PPP3CB: variants seen among roughly 807,000 people sequenced by gnomAD.
The protein encoded by PPP3CB is protein phosphatase 3 catalytic subunit beta.
In PPP3CB, 8 loss-of-function variants were observed where a neutral mutation model predicts 66.4. That is an observed-to-expected ratio of 0.12 (90% CI 0.07 to 0.22). The LOEUF is 0.22. Ranked by LOEUF, PPP3CB falls within the 10% of genes least tolerant of loss-of-function variation. The probability of loss-of-function intolerance (pLI) is 1.00; values close to 1 mark genes in which losing one functional copy is unlikely to be tolerated. For missense variants in PPP3CB, 319 were observed against 642.5 expected, an observed-to-expected ratio of 0.50 and a Z score of 5.44; for synonymous variants, 208 against 221.2, an observed-to-expected ratio of 0.94 and a Z score of 0.53.
chr10:73,489,329 A>G (rs889970428), intron 1 of PPP3CB, among the ~76,000 whole-genome samples: 1 of 152,044 alleles, frequency 6.6e-6, no homozygotes, highest in Non-Finnish European at 1.5e-5. Context: ...TTGCCCTCCA[A>G]TAATTTGTTG....
intron 12 of PPP3CB, 133 bp from the exon 13 acceptor site, chr10:73,440,034 TA>T: frequency 1.1e-6 from 1 of 929,204 alleles, no homozygotes; most frequent in Non-Finnish European, 1.6e-6. Context: ...AAATTTAACA[TA>T]AATAGTACCC....
intron 9 of PPP3CB, among the ~76,000 whole-genome samples, chr10:73,463,926 C>T (rs1217021773): frequency 1.3e-5 from 2 of 151,404 alleles, no homozygotes; most frequent in Admixed American, 6.6e-5. Context: ...TAAGCCACTG[C>T]GCCCGGCCTC....
At chr10:73,439,964 C>G (rs1407798762) in intron 12 of PPP3CB, 63 bp from the exon 13 acceptor site, 2 of 1,496,756 alleles carry the variant, frequency 1.3e-6, no homozygotes, top group East Asian at 2.3e-5. Context: ...TCATATTGTA[C>G]AGCAGAAAAG....
intron 9 of PPP3CB, among the ~76,000 whole-genome samples, chr10:73,461,963 T>C (rs1257530939): frequency 6.6e-6 from 1 of 151,950 alleles, no homozygotes; most frequent in Non-Finnish European, 1.5e-5. Flanking sequence ...ATTTGGCTGT[T>C]TTTTAAGTAT....
At chr10:73,448,592 C>T (rs749149890) in intron 10 of PPP3CB, 13 of 530,962 alleles carry the variant, frequency 2.4e-5, no homozygotes, top group African/African-American at 5.8e-5. Flanking sequence ...AATGAATGTG[C>T]TAACTTACAT....
chr10:73,467,768 A>C, intron 8 of PPP3CB, 90 bp from the exon 9 acceptor site: 1 of 1,274,468 alleles, frequency 7.8e-7, no homozygotes, highest in Non-Finnish European at 1.1e-6. Context: ...AAGCAGAAAA[A>C]TATTAAGAGG....
chr10:73,452,989 A>G (rs1241444583), intron 10 of PPP3CB, among the ~76,000 whole-genome samples: 7 of 152,242 alleles, frequency 4.6e-5, no homozygotes, highest in Non-Finnish European at 1.0e-4. Flanking sequence ...AAGTGATCAA[A>G]TGAAATGGAT....
chr10:73,438,362 C>T lies in PPP3CB; in HGVS notation c.1455G>A (p.Leu485=). 5 of 1,613,742 alleles carry T rather than the reference C, an allele frequency of 3.1e-6. No homozygotes were observed. Among genetic ancestry groups the T allele is most frequent in the Non-Finnish European group, 3.4e-6 (4 of 1,179,658 alleles). Residue 485 remains leucine (L), a synonymous_variant, in exon 14 of 14, where the codon TTG becomes TTA. Transcript: ENST00000360663. ...RICSFEEAKG[L]DRINERMPPR... is the part of the protein sequence containing the mutation. ...GTGGCATTCTCTCATTGATCCTATC[C>T]AAACCCTTTGCCTCTTCAAAACTGC... is the stretch of plus-strand genomic sequence containing the variant.
chr10:73,479,450 C>G lies in PPP3CB; in HGVS notation c.153G>C (p.Arg51Ser). ...EEVFDLDGIP[R>S]VDVLKNHLVK... ...CCAAGTGGTTCTTCAGAACATCAACCCTGGGTATCCCATCCAAATCAAATA... is the reference window on the plus strand; with the variant it reads ...CCAAGTGGTTCTTCAGAACATCAACGCTGGGTATCCCATCCAAATCAAATA... Residue 51 changes from arginine (R) to serine (S), a missense_variant, in exon 2 of 14, where the codon AGG becomes AGC. Physicochemically the swap from Arg to Ser is moderately radical, Grantham distance 110. This residue lies in a region of PPP3CB where 104 missense variants were observed against 128.4 expected (regional missense o/e 0.81). Coordinates refer to ENST00000360663, the MANE Select transcript of PPP3CB (RefSeq NM_021132.4). The G allele has an allele frequency of 6.2e-7, 1 of 1,614,092 alleles. No individual in the cohort carries two copies. The highest frequency in any genetic ancestry group is 8.5e-7 in the Non-Finnish European group (1 of 1,179,990).
intron 1 of PPP3CB, among the ~76,000 whole-genome samples, chr10:73,488,346 AC>A (rs2057020753): frequency 6.6e-6 from 1 of 152,032 alleles, no homozygotes; most frequent in Non-Finnish European, 1.5e-5. Context: ...GGAATTTGAG[AC>A]CAATCTGGGC....
At chr10:73,448,696 G>A (rs764589895) in intron 10 of PPP3CB, 1 of 533,388 alleles carries the variant, frequency 1.9e-6, no homozygotes, top group Non-Finnish European at 3.8e-6. Context: ...CCGTTCTTCA[G>A]ATGGAGAGTC....
At chr10:73,459,004 A>C (rs1378336601) in intron 9 of PPP3CB, among the ~76,000 whole-genome samples, 1 of 152,044 alleles carries the variant, frequency 6.6e-6, no homozygotes, top group Non-Finnish European at 1.5e-5. Context: ...CAGGAGGCAG[A>C]GGTTGCGGTG....
chr10:73,438,007 C>A lies in PPP3CB; in HGVS notation c.*235G>T. ...GTGGATGCCCTCCACTGGAAATTGCCCCAAGCCCCTTGCTCACTGCTCTCC... is the reference window on the plus strand; with the variant it reads ...GTGGATGCCCTCCACTGGAAATTGCACCAAGCCCCTTGCTCACTGCTCTCC... On this transcript the variant is annotated 3_prime_UTR_variant, in exon 14 of 14. Coordinates refer to ENST00000360663, the MANE Select transcript of PPP3CB (RefSeq NM_021132.4). 1 of 395,398 alleles carries A rather than the reference C, an allele frequency of 2.5e-6. No individual in the cohort carries two copies. The highest frequency in any genetic ancestry group is 8.6e-5 in the South Asian group (1 of 11,614). The allele number at this position is 395,398 out of a possible 1,614,324, so 24.5% of individuals were successfully genotyped here.
chr10:73,453,222 C>A (rs2132823766), intron 10 of PPP3CB, among the ~76,000 whole-genome samples: 1 of 152,308 alleles, frequency 6.6e-6, no homozygotes, highest in African/African-American at 2.4e-5. Context: ...TCTGGTAGTT[C>A]ACAGCTAAAA....
intron 1 of PPP3CB, among the ~76,000 whole-genome samples, chr10:73,485,908 TTGTGTGTGTGTGTGTG>T (rs57190155): frequency 0.046 from 5,638 of 121,314 alleles, 372 homozygotes; most frequent in African/African-American, 0.16. Flanking sequence ...ACCTGGCTAA[TTGTGTGTGTGTGTGTG>T]TGTGTGTGTG....
At chr10:73,481,634 A>C (rs1156252037) in intron 1 of PPP3CB, among the ~76,000 whole-genome samples, 5 of 151,180 alleles carry the variant, frequency 3.3e-5, no homozygotes, top group African/African-American at 9.8e-5. Flanking sequence ...CTAAAAAAAA[A>C]CAAAAAAAAA....
rs148676051 is a variant in PPP3CB, at chr10:73,470,636, CA to C, written c.982+50del. The C allele has an allele frequency of 0.013, 15,061 of 1,171,520 alleles. 850 individuals are homozygous for C. The African/African-American group carries it at 0.16, about 12-fold the overall frequency. 72.6% of individuals were successfully genotyped at this position (1,171,520 alleles called of 1,614,324 possible). A position where few individuals can be genotyped will look rare whatever the true frequency, so the allele number is the denominator to read the frequency against. On this transcript the variant is annotated intron_variant, in intron 8 of 13. Coordinates refer to ENST00000360663, the MANE Select transcript of PPP3CB (RefSeq NM_021132.4). ...CCTTTTTTATTATATTAAAAAAAGT[CA>C]ATTAAAATACTAAGTTGTTTAACAA...
chr10:73,483,752 T>A (rs1282989477), intron 1 of PPP3CB, among the ~76,000 whole-genome samples: 1 of 152,204 alleles, frequency 6.6e-6, no homozygotes, highest in Non-Finnish European at 1.5e-5. Flanking sequence ...GAACGGAGCT[T>A]CAGCAGGAGA....
At chr10:73,456,549 T>G (rs1476549156) in intron 9 of PPP3CB, among the ~76,000 whole-genome samples, 1 of 152,200 alleles carries the variant, frequency 6.6e-6, no homozygotes, top group African/African-American at 2.4e-5. Flanking sequence ...TCAATTGATT[T>G]TTGACAAGGG....
Sources: allele counts gnomAD v4.1 joint callset (sites outside exome capture counted in the v4.1 genomes callset), GRCh38; gene constraint gnomAD v4.1.1; regional missense constraint gnomAD v4.1.1; transcripts MANE v1.5; gene names NCBI Gene and HGNC (gene_info 2026-07-23, HGNC 2026-07-21).